MED12L: variants seen among roughly 807,000 people sequenced by gnomAD.
MED12L encodes mediator of RNA polymerase II transcription subunit 12-like protein.
In MED12L, 60 loss-of-function variants were observed where a neutral mutation model predicts 281.3. The ratio of observed to expected loss-of-function variants is 0.21; its 90% CI spans 0.17 to 0.26. The LOEUF is 0.26. Among genes scored for constraint, MED12L ranks in the 10% least tolerant of loss-of-function variants. MED12L has a pLI of 1.00. For synonymous variants in MED12L, 974 were observed against 987.2 expected (o/e 0.99, Z 0.25); for missense variants, 2,146 against 2,680.9 (o/e 0.80, Z 4.41).
At chr3:151,120,637 A>T (rs1393758332) in intron 3 of MED12L, among the ~76,000 whole-genome samples, 1 of 152,222 alleles carries the variant, frequency 6.6e-6, no homozygotes, top group Non-Finnish European at 1.5e-5. Context: ...AAAATAATAG[A>T]TGTGTGTTTA....
chr3:151,107,360 T>G (rs1202565125), intron 2 of MED12L, among the ~76,000 whole-genome samples: 3 of 152,166 alleles, frequency 2.0e-5, no homozygotes, highest in African/African-American at 7.2e-5. Context: ...TTTCAGAGCA[T>G]TCTTGTCTAA....
intron 16 of MED12L, among the ~76,000 whole-genome samples, chr3:151,204,038 C>G (rs1726021815): frequency 6.6e-6 from 1 of 152,160 alleles, no homozygotes; most frequent in Non-Finnish European, 1.5e-5. Flanking sequence ...GCAGAACTAA[C>G]TGAATGTTTG....
intron 11 of MED12L, among the ~76,000 whole-genome samples, chr3:151,170,170 G>A (rs1560116425): frequency 6.6e-6 from 1 of 152,226 alleles, no homozygotes; most frequent in Non-Finnish European, 1.5e-5. Context: ...CTGTGGTCAT[G>A]AGAGTGGGAG....
chr3:151,133,222 G>A (rs1228316463), intron 5 of MED12L, among the ~76,000 whole-genome samples: 2 of 152,192 alleles, frequency 1.3e-5, no homozygotes, highest in Admixed American at 6.5e-5. Context: ...TTCAGCATTG[G>A]AGCAGAGCTA....
chr3:151,293,623 C>A, intron 16 of MED12L, among the ~76,000 whole-genome samples: 1 of 48,348 alleles, frequency 2.1e-5, no homozygotes, highest in African/African-American at 7.1e-5. Flanking sequence ...ACACACGGTC[C>A]TAAAATGAAG....
At chr3:151,390,963 G>A (rs955221560) in intron 38 of MED12L, among the ~76,000 whole-genome samples, 1 of 152,128 alleles carries the variant, frequency 6.6e-6, no homozygotes, top group Non-Finnish European at 1.5e-5. Context: ...CTCTCTTGCT[G>A]TATAATCTTG....
chr3:151,371,016 G>A (rs959149790), intron 26 of MED12L, among the ~76,000 whole-genome samples: 4 of 152,204 alleles, frequency 2.6e-5, no homozygotes, highest in African/African-American at 9.6e-5. Flanking sequence ...ACGCTCAAAT[G>A]TATTCTATTG....
chr3:151,152,085 G>GTTT (rs141353889), intron 5 of MED12L, among the ~76,000 whole-genome samples: 790 of 63,024 alleles, frequency 0.013, 103 homozygotes, highest in East Asian at 0.027. Context: ...GTTGAAGGTG[G>GTTT]TTTTTTTTTT....
intron 25 of MED12L, among the ~76,000 whole-genome samples, chr3:151,368,685 A>ATTTTTTTTTT (rs869105325): frequency 4.8e-5 from 2 of 41,384 alleles, no homozygotes; most frequent in Admixed American, 2.4e-4. Context: ...ATGTCATTTC[A>ATTTTTTTTTT]TTTTATTTCA....
At chr3:151,253,501 A>C (rs1737231480) in intron 16 of MED12L, among the ~76,000 whole-genome samples, 1 of 152,130 alleles carries the variant, frequency 6.6e-6, no homozygotes, top group Non-Finnish European at 1.5e-5. Context: ...TTTCAACTTT[A>C]GTGGAGCTTT....
chr3:151,136,741 G>C (rs185090241), intron 5 of MED12L, among the ~76,000 whole-genome samples: 260 of 152,298 alleles, frequency 1.7e-3, no homozygotes, highest in Non-Finnish European at 2.2e-3. Flanking sequence ...TCTCTCATGT[G>C]ATAAATTACA....
intron 16 of MED12L, among the ~76,000 whole-genome samples, chr3:151,239,053 T>C (rs985717390): frequency 6.6e-6 from 1 of 152,262 alleles, no homozygotes; most frequent in Non-Finnish European, 1.5e-5. Context: ...TTCTGTCTGC[T>C]GTTGTGAGTT....
chr3:151,389,949 C>A, intron 37 of MED12L, 30 bp from the exon 38 acceptor site: 2 of 1,610,472 alleles, frequency 1.2e-6, no homozygotes, highest in Non-Finnish European at 1.7e-6. Context: ...TGTGGAGTTA[C>A]GTAACTTTTT....
At chr3:151,344,057 C>G (rs1752237762) in intron 16 of MED12L, among the ~76,000 whole-genome samples, 2 of 152,000 alleles carry the variant, frequency 1.3e-5, no homozygotes, top group African/African-American at 4.8e-5. Flanking sequence ...CAACAGGTTC[C>G]AAAAGTAACG....
rs1054950648 is a variant in MED12L at position 151,166,063 on chromosome 3, G to A, written c.1494+81G>A. The A allele has an allele frequency of 1.7e-5, 21 of 1,243,620 alleles. No individual in the cohort carries two copies. In the East Asian group the frequency reaches 1.9e-4, roughly 11 times the overall value. 77.0% of individuals were successfully genotyped at this position (1,243,620 alleles called of 1,614,324 possible). On this transcript the variant is annotated intron_variant, in intron 11 of 44. Coordinates refer to ENST00000687756, the MANE Select transcript of MED12L (RefSeq NM_001393769.1). ...TCTTTCTCATTCAGGAAACTCTGGC[G>A]AAACCTTTTCTATGAAGTGTAGTAT...
chr3:151,176,950 G>A (rs960007857), intron 11 of MED12L, among the ~76,000 whole-genome samples: 4 of 151,988 alleles, frequency 2.6e-5, no homozygotes, highest in African/African-American at 4.8e-5. Flanking sequence ...AAAAACAGTC[G>A]AACCTACTCT....
intron 16 of MED12L, among the ~76,000 whole-genome samples, chr3:151,282,035 A>G (rs958746564): frequency 3.9e-5 from 6 of 152,122 alleles, no homozygotes; most frequent in Admixed American, 1.3e-4. Flanking sequence ...AATTGTTACC[A>G]TATGTCTTTT....
At chr3:151,218,187 C>T (rs1481293068) in intron 16 of MED12L, among the ~76,000 whole-genome samples, 3 of 152,134 alleles carry the variant, frequency 2.0e-5, no homozygotes, top group African/African-American at 7.2e-5. Context: ...TAAATAAGAA[C>T]CAAAAGAATC....
chr3:151,394,591 G>A (rs1470790540), intron 38 of MED12L, 65 bp from the exon 39 acceptor site: 4 of 1,593,242 alleles, frequency 2.5e-6, no homozygotes, highest in East Asian at 2.2e-5. Flanking sequence ...TCTGTGTTTT[G>A]ATACATAAAA....
Sources: allele counts gnomAD v4.1 joint callset (sites outside exome capture counted in the v4.1 genomes callset), GRCh38; gene constraint gnomAD v4.1.1; transcripts MANE v1.5; gene names NCBI Gene and HGNC (gene_info 2026-07-23, HGNC 2026-07-21).